SZT2: variants seen among roughly 807,000 people sequenced by gnomAD.
The protein encoded by SZT2 is KICSTOR complex protein SZT2.
SZT2 carries 216 observed loss-of-function variants against 404.2 expected under a neutral mutation model. The ratio of observed to expected loss-of-function variants is 0.53; its 90% CI spans 0.48 to 0.60. The LOEUF is 0.60. SZT2 is among the 20% of genes least tolerant of loss of function. The pLI, the probability that SZT2 is intolerant of heterozygous loss-of-function variation, is 0.00. For synonymous variants in SZT2, 1,693 were observed against 1,749.9 expected, an observed-to-expected ratio of 0.97 and a Z score of 0.81; for missense variants, 3,857 against 4,459.2, an observed-to-expected ratio of 0.86 and a Z score of 3.85.
intron 1 of SZT2, among the ~76,000 whole-genome samples, chr1:43,399,973 G>C (rs1163651543): frequency 6.6e-6 from 1 of 151,406 alleles, no homozygotes; most frequent in Non-Finnish European, 1.5e-5. Context: ...GAATCTTGCT[G>C]TTTTGCCCAG....
chr1:43,405,613 T>G (rs1650208146), intron 4 of SZT2: 1 of 152,184 alleles, frequency 6.6e-6, no homozygotes. Flanking sequence ...GGGAACATGA[T>G]CTAAGGGTCT....
intron 3 of SZT2, chr1:43,404,055 C>G: frequency 1.9e-6 from 1 of 518,912 alleles, no homozygotes; most frequent in Non-Finnish European, 3.4e-6. Context: ...ATAAAAAATA[C>G]AAAAATTAGC....
Position 43,394,150 on chromosome 1 carries a change from T to C in SZT2, c.27+4155T>C, listed in dbSNP as rs12057684. The C allele has an allele frequency of 5.9e-4, 536 of 902,154 alleles. 3 individuals are homozygous for C. In the African/African-American group the frequency reaches 9.1e-3, roughly 15 times the overall value. The allele number at this position is 902,154 out of a possible 1,614,324, so 55.9% of individuals were successfully genotyped here. A position where few individuals can be genotyped will look rare whatever the true frequency, so the allele number is the denominator to read the frequency against. On this transcript the variant is annotated intron_variant, in intron 1 of 71. Transcript: ENST00000634258. ...TAATTCAGGGATTCTCAAATGTTAA[T>C]GTGGAAGAATCACTTGGAGACCTTG... is the stretch of plus-strand genomic sequence containing the variant.
At chr1:43,414,289 CAA>C (rs1201388270) in intron 4 of SZT2, among the ~76,000 whole-genome samples, 5 of 151,904 alleles carry the variant, frequency 3.3e-5, no homozygotes, top group Non-Finnish European at 7.4e-5. Context: ...AAAAAACAAA[CAA>C]ACAAACAAAA....
intron 42 of SZT2, chr1:43,436,532 C>T (rs1199744079): frequency 6.6e-6 from 1 of 152,304 alleles, no homozygotes; most frequent in African/African-American, 2.4e-5. Flanking sequence ...TCTGCCTTTA[C>T]ACAGAAACTT....
intron 28 of SZT2, 167 bp downstream of exon 28, chr1:43,428,653 A>G (rs1157107386): frequency 9.8e-6 from 9 of 915,636 alleles, no homozygotes; most frequent in Non-Finnish European, 8.0e-6. Context: ...TTCCTCACCA[A>G]TTTGGCACAG....
chr1:43,406,024 AC>A (rs1220304404), intron 4 of SZT2: 1 of 153,862 alleles, frequency 6.5e-6, no homozygotes. Context: ...CTATGGGAGC[AC>A]CAAGAGGGAG....
rs146937951 is a variant in SZT2, at chr1:43,425,602, A to T, written c.2774A>T (p.Lys925Met). 510 of 1,614,170 alleles carry T rather than the reference A, an allele frequency of 3.2e-4. 1 individual carries two copies. Among genetic ancestry groups the T allele is most frequent in the Middle Eastern group, 5.0e-4 (3 of 6,056 alleles). ...GTGGGACCTGGCCCTGGAATCTGGA[A>T]GCACCTCCAGGACCTGACGTATTCT... ...GRVGPGPGIW[K>M]HLQDLTYSEI... is the part of the protein sequence containing the mutation. The change falls in exon 19 of 72, where the codon AAG (lysine) becomes ATG (methionine). Residue 925 changes from lysine (K) to methionine (M), a missense_variant. Transcript: ENST00000634258. This position sits in a 1 kb window ranked among gnomAD's most constrained non-coding sequence, Gnocchi z 4.3.
At position 43,452,783 on chromosome 1, in the gene SZT2, A is replaced by G; in HGVS notation, c.*2303A>G. On this transcript the variant is annotated 3_prime_UTR_variant, in exon 72 of 72. Coordinates refer to ENST00000634258, the MANE Select transcript of SZT2 (RefSeq NM_001365999.1). ...TCTGAGCCTGTTTGGCCTCTGCAGG[A>G]TTTGACATTTGAATCAGCCCCACTT... 9.5e-7 allele frequency: 1 copy of G among 1,054,352 alleles called. No individual in the cohort carries two copies. Among genetic ancestry groups the G allele is most frequent in the East Asian group, 2.6e-5 (1 of 38,586 alleles). The allele number at this position is 1,054,352 out of a possible 1,614,324, so 65.3% of individuals were successfully genotyped here. A position where few individuals can be genotyped will look rare whatever the true frequency, so the allele number is the denominator to read the frequency against.
chr1:43,451,480 G>A lies in SZT2; in HGVS notation c.*1000G>A. On this transcript the variant is annotated 3_prime_UTR_variant, in exon 72 of 72. Transcript: ENST00000634258. ...CTTCCAGCAGTTGAAACAGATAGGG[G>A]AAATTCAGCTCTCCGGGGCTGCTGG... 6.2e-7 allele frequency: 1 copy of A among 1,614,126 alleles called. No homozygotes were observed. The highest frequency in any genetic ancestry group is 8.5e-7 in the Non-Finnish European group (1 of 1,180,032).
At position 43,403,685 on chromosome 1, in the gene SZT2, C is replaced by T. The variant is rs765912738; in HGVS notation, c.238C>T (p.Leu80Phe). The T allele has an allele frequency of 1.5e-5, 25 of 1,614,038 alleles. No homozygotes were observed. The highest frequency in any genetic ancestry group is 1.5e-4 in the African/African-American group (11 of 74,916). ...TGAACCAGTGGTCCCAAGGCCATTC[C>T]TCCTGGTACCTTCCACCCGGGTCAC... The part of the protein sequence containing the change: ...PDEPVVPRPF[L>F]LVPSTRVTFL... The change falls in exon 3 of 72, where the codon CTC (leucine) becomes TTC (phenylalanine). Residue 80 changes from leucine to phenylalanine, a missense_variant. This residue lies in a region of SZT2 where 536 missense variants were observed against 637.4 expected (regional missense o/e 0.84). Coordinates refer to ENST00000634258, the MANE Select transcript of SZT2 (RefSeq NM_001365999.1).
Position 43,445,919 on chromosome 1 carries a change from A to G in SZT2, c.8851A>G (p.Ile2951Val), listed in dbSNP as rs1655607888. The G allele has an allele frequency of 6.2e-7, 1 of 1,614,234 alleles. No homozygotes were observed. Among genetic ancestry groups the G allele is most frequent in the South Asian group, 1.1e-5 (1 of 91,086 alleles). Residue 2951 changes from isoleucine (I) to valine (V), a missense_variant, in exon 63 of 72, where the codon ATC becomes GTC. Physicochemically the swap from Ile to Val is conservative, Grantham distance 29. Coordinates refer to ENST00000634258, the MANE Select transcript of SZT2 (RefSeq NM_001365999.1). The part of the protein sequence containing the change: ...RSTSRPRAMA[I>V]LGTEGRGSFS... ...CACCAGCCGGCCACGGGCCATGGCT[A>G]TCCTTGGAACAGAGGGTCGAGGCTC...
chr1:43,421,813 C>T (rs1050289975), intron 11 of SZT2, among the ~76,000 whole-genome samples: 5 of 152,226 alleles, frequency 3.3e-5, no homozygotes, highest in African/African-American at 4.8e-5. Context: ...GGGCTTTTCT[C>T]CCAAGTCGGT....
rs1237822983 is a variant in SZT2 at position 43,431,079 on chromosome 1, T to C, written c.4905T>C (p.Pro1635=). 6.2e-7 allele frequency: 1 copy of C among 1,613,244 alleles called. No individual in the cohort carries two copies. The highest frequency in any genetic ancestry group is 2.2e-5 in the East Asian group (1 of 44,858). ...TGGAGCTCCCCACGGCCTCGGACCC[T>C]CAGCACCACCGGTGTGGCAGCAAGT... is the stretch of plus-strand genomic sequence containing the variant. ...LEVELPTASD[P]QHHRSTSESS... is the part of the protein sequence containing the mutation. The change falls in exon 33 of 72, where the codon CCT becomes CCC. Residue 1635 remains proline (P), a synonymous_variant. Coordinates refer to ENST00000634258, the MANE Select transcript of SZT2 (RefSeq NM_001365999.1).
intron 4 of SZT2, 74 bp from the exon 5 acceptor site, chr1:43,415,008 A>G: frequency 6.5e-7 from 1 of 1,538,718 alleles, no homozygotes; most frequent in Non-Finnish European, 8.7e-7. Context: ...GCTATGGAGA[A>G]TAAACAGAGC....
chr1:43,403,858 G>A (rs935253569), intron 3 of SZT2, 84 bp downstream of exon 3: 24 of 1,465,418 alleles, frequency 1.6e-5, no homozygotes, highest in African/African-American at 2.8e-5. Context: ...AGTGAAAAAT[G>A]GTCCCAGCCT....
intron 30 of SZT2, 27 bp from the exon 31 acceptor site, chr1:43,430,284 A>G (rs769814659): frequency 4.3e-6 from 7 of 1,613,154 alleles, no homozygotes; most frequent in Non-Finnish European, 5.9e-6. Context: ...TTCTTGCCTC[A>G]TCATCTTGCT....
In SZT2 at chr1:43,431,755, C is replaced by A. The variant is rs755084265; in HGVS notation, c.5128C>A (p.Arg1710=). Residue 1710 remains arginine (R), a synonymous_variant, in exon 36 of 72, where the codon CGA becomes AGA. Transcript: ENST00000634258. ...LLEDEMVGAL[R]RGGIPQSPAL... is the part of the protein sequence containing the mutation. ...GGAAGATGAGATGGTGGGGGCACTC[C>A]GAAGAGGGGGCATCCCACAGAGTCC... 6.2e-7 allele frequency: 1 copy of A among 1,614,196 alleles called. No individual in the cohort carries two copies. Among genetic ancestry groups the A allele is most frequent in the Non-Finnish European group, 8.5e-7 (1 of 1,180,040 alleles).
In SZT2 at chr1:43,425,153, C is replaced by G. The variant is rs765029002; in HGVS notation, c.2591C>G (p.Thr864Ser). ...PGQAAAEEKH[T>S]CVVQYILFPP... is the part of the protein sequence containing the mutation. ...CAGGCTGCAGCTGAAGAGAAGCACACCTGTGTTGTCCAGTACATCCTCTTC... is the reference window on the plus strand; with the variant it reads ...CAGGCTGCAGCTGAAGAGAAGCACAGCTGTGTTGTCCAGTACATCCTCTTC... Residue 864 changes from threonine to serine, a missense_variant, in exon 18 of 72, where the codon ACC becomes AGC. By Grantham distance (58) the Thr-to-Ser change is moderately conservative (BLOSUM62 1). Coordinates refer to ENST00000634258, the MANE Select transcript of SZT2 (RefSeq NM_001365999.1). This position sits in a 1 kb window ranked among gnomAD's most constrained non-coding sequence, Gnocchi z 4.3. 1.4e-5 allele frequency: 23 copies of G among 1,614,080 alleles called. No individual in the cohort carries two copies. In the South Asian group the frequency reaches 2.5e-4, roughly 18 times the overall value.
Sources: allele counts gnomAD v4.1 joint callset (sites outside exome capture counted in the v4.1 genomes callset), GRCh38; gene constraint gnomAD v4.1.1; regional missense constraint gnomAD v4.1.1; non-coding constraint Gnocchi (gnomAD v3.1); transcripts MANE v1.5; gene names NCBI Gene and HGNC (gene_info 2026-07-23, HGNC 2026-07-21).